COP1: variants seen among roughly 807,000 people sequenced by gnomAD.
The protein encoded by COP1 is COP1 E3 ubiquitin ligase.
In COP1, 24 loss-of-function variants were observed where a neutral mutation model predicts 101.3. That is an observed-to-expected ratio of 0.24 (90% CI 0.17 to 0.33). The LOEUF (loss-of-function observed/expected upper bound fraction) is 0.33, where lower values mean the gene tolerates loss of function less well. COP1 is among the 10% of genes least tolerant of loss of function. COP1 has a pLI of 1.00. For missense variants in COP1, 663 were observed against 906.2 expected (o/e 0.73, Z 3.45); for synonymous variants, 347 against 341.9 (o/e 1.01, Z -0.17).
At chr1:175,999,331 T>C (rs930138038) in intron 15 of COP1, among the ~76,000 whole-genome samples, 29 of 152,204 alleles carry the variant, frequency 1.9e-4, no homozygotes, top group South Asian at 6.2e-4. Context: ...CATTTTTAGA[T>C]CCCACAAATA....
chr1:176,133,846 C>T (rs1188104634), intron 8 of COP1: 2 of 454,760 alleles, frequency 4.4e-6, no homozygotes, highest in South Asian at 3.1e-5. Context: ...TATGTACTTA[C>T]ATAATAAGTA....
intron 15 of COP1, among the ~76,000 whole-genome samples, chr1:175,993,357 G>A (rs1463044731): frequency 6.6e-6 from 1 of 152,204 alleles, no homozygotes. Flanking sequence ...CCAAAGGAAC[G>A]CAGCTCCTCA....
chr1:176,143,120 AAGCGAGAGAGAGAGAG>A (rs1381919798), intron 6 of COP1, among the ~76,000 whole-genome samples: 1 of 44,692 alleles, frequency 2.2e-5, no homozygotes, highest in African/African-American at 1.4e-4. Context: ...CCAACAGAAC[AAGCGAGAGAGAGAGAG>A]AGCGAGAGAA....
chr1:176,206,304 A>G (rs1700845098), intron 1 of COP1: 1 of 475,766 alleles, frequency 2.1e-6, no homozygotes, highest in Non-Finnish European at 3.7e-6. Context: ...TTCCCTCGTC[A>G]TTCGTTAAAC....
intron 1 of COP1, among the ~76,000 whole-genome samples, chr1:176,190,111 C>T (rs891238716): frequency 7.9e-5 from 12 of 152,190 alleles, no homozygotes; most frequent in South Asian, 4.1e-4. Context: ...ATCATTCAAA[C>T]TACTGCAGGG....
At chr1:176,056,613 T>C (rs1673542023) in intron 11 of COP1, among the ~76,000 whole-genome samples, 1 of 152,190 alleles carries the variant, frequency 6.6e-6, no homozygotes, top group Non-Finnish European at 1.5e-5. Context: ...TCAGAACTCG[T>C]CTATACAAGC....
intron 1 of COP1, among the ~76,000 whole-genome samples, chr1:176,197,882 C>T (rs1410904266): frequency 6.6e-6 from 1 of 151,742 alleles, no homozygotes; most frequent in Admixed American, 6.6e-5. Context: ...AATTAGAAAT[C>T]GAAATTAAAA....
In COP1 at chr1:176,206,990, C is replaced by G. The variant is rs1700933522; in HGVS notation, c.-12G>C. The G allele has an allele frequency of 8.0e-6, 11 of 1,367,324 alleles. No homozygotes were observed. The East Asian group carries it at 3.1e-4, about 38-fold the overall frequency. 84.7% of individuals were successfully genotyped at this position (1,367,324 alleles called of 1,614,324 possible). A position where few individuals can be genotyped will look rare whatever the true frequency, so the allele number is the denominator to read the frequency against. ...CGGCTACCAGACATCGTGACTCCCT[C>G]CCCTCCAGCCGGGCGCTCGGAGGAG... On this transcript the variant is annotated 5_prime_UTR_variant, in exon 1 of 20. Coordinates refer to ENST00000367669, the MANE Select transcript of COP1 (RefSeq NM_022457.7).
intron 15 of COP1, among the ~76,000 whole-genome samples, chr1:175,998,008 C>CAACAGTG (rs1267054164): frequency 2.9e-5 from 4 of 138,628 alleles, no homozygotes; most frequent in African/African-American, 1.1e-4. Flanking sequence ...CCCAAAAGTC[C>CAACAGTG]ATATGTAACT....
intron 11 of COP1, among the ~76,000 whole-genome samples, chr1:176,078,261 T>C (rs1678435647): frequency 1.3e-5 from 2 of 152,068 alleles, no homozygotes; most frequent in Non-Finnish European, 2.9e-5. Context: ...CAGGCTACAA[T>C]AACCAAAACA....
chr1:175,951,967 A>G (rs765884317), intron 18 of COP1, among the ~76,000 whole-genome samples: 2 of 152,208 alleles, frequency 1.3e-5, no homozygotes, highest in African/African-American at 2.4e-5. Context: ...GAAGCACAAC[A>G]CCACATCAAG....
In COP1 at chr1:176,184,287, T is replaced by C. The variant is rs934836060; in HGVS notation, c.467+346A>G. On this transcript the variant is annotated intron_variant, in intron 2 of 19. Transcript: ENST00000367669. ...ACCTTCTTAGCCTGCTTCACTGCGT[T>C]CTCCAACCTATCCCCACAAGTGAGT... Among the ~76,000 whole-genome samples the C allele has an allele frequency of 2.0e-5, 3 of 152,188 alleles. No individual in the cohort carries two copies. The East Asian group carries it at 5.8e-4, about 29-fold the overall frequency.
chr1:176,156,547 T>TTAAGGACACACACTTTA (rs1693481941), intron 5 of COP1, among the ~76,000 whole-genome samples: 1 of 152,138 alleles, frequency 6.6e-6, no homozygotes, highest in Non-Finnish European at 1.5e-5. Context: ...CTACCTACTG[T>TTAAGGACACACACTTTA]TAAGGACACA....
At chr1:176,002,665 G>C (rs1007443860) in intron 15 of COP1, among the ~76,000 whole-genome samples, 32 of 149,488 alleles carry the variant, frequency 2.1e-4, no homozygotes, top group Non-Finnish European at 4.6e-4. Context: ...TTTCATCTAT[G>C]TCCCTACAAA....
At chr1:176,195,658 A>G (rs1699596763) in intron 1 of COP1, among the ~76,000 whole-genome samples, 1 of 152,248 alleles carries the variant, frequency 6.6e-6, no homozygotes, top group African/African-American at 2.4e-5. Context: ...TCAGACATAG[A>G]ATGATACCCA....
chr1:175,997,641 T>A (rs185133537), intron 15 of COP1, among the ~76,000 whole-genome samples: 1 of 152,020 alleles, frequency 6.6e-6, no homozygotes, highest in African/African-American at 2.4e-5. Flanking sequence ...AAAAAACACA[T>A]GAAAAAATGC....
chr1:175,998,781 A>G (rs1285781501), intron 15 of COP1, among the ~76,000 whole-genome samples: 1 of 152,116 alleles, frequency 6.6e-6, no homozygotes, highest in Admixed American at 6.6e-5. Context: ...TGGTGTATTC[A>G]AAAAACATAA....
chr1:176,015,471 T>A (rs1665457760), intron 15 of COP1, among the ~76,000 whole-genome samples: 1 of 151,892 alleles, frequency 6.6e-6, no homozygotes, highest in African/African-American at 2.4e-5. Flanking sequence ...AATAACCACT[T>A]CAATTTTTGA....
intron 11 of COP1, among the ~76,000 whole-genome samples, chr1:176,054,429 T>C (rs1571949954): frequency 6.6e-6 from 1 of 152,290 alleles, no homozygotes; most frequent in East Asian, 1.9e-4. Context: ...CCCAAAGTGC[T>C]GGGATTACAG....
Sources: gnomAD v4.1 joint callset for allele counts (sites outside exome capture counted in the v4.1 genomes callset) on GRCh38, gnomAD v4.1.1 for gene constraint, MANE v1.5 for transcripts, NCBI Gene and HGNC (gene_info 2026-07-23, HGNC 2026-07-21) for gene names.